Variants in TENM4 observed in about 807,000 individuals in gnomAD.
TENM4 encodes teneurin transmembrane protein 4.
TENM4 carries 82 observed loss-of-function variants against 243.3 expected under a neutral mutation model. The observed-to-expected ratio is 0.34, with a 90% confidence interval of 0.28 to 0.40. TENM4 has a LOEUF of 0.40. Ranked by LOEUF, TENM4 falls within the 10% of genes least tolerant of loss-of-function variation. TENM4 has a pLI of 1.00. For missense variants in TENM4, 3,138 were observed against 3,673.3 expected, an observed-to-expected ratio of 0.85 and a Z score of 3.77; for synonymous variants, 1,412 against 1,456.3, an observed-to-expected ratio of 0.97 and a Z score of 0.69.
intron 6 of TENM4, among the ~76,000 whole-genome samples, chr11:78,995,209 C>CACCGT (rs1397041226): frequency 6.6e-6 from 1 of 152,174 alleles, no homozygotes; most frequent in Non-Finnish European, 1.5e-5. Context: ...CACAGAGACA[C>CACCGT]ACCGTACCGG....
chr11:79,272,139 C>G (rs949091991), intron 2 of TENM4, among the ~76,000 whole-genome samples: 2 of 152,174 alleles, frequency 1.3e-5, no homozygotes, highest in African/African-American at 4.8e-5. Flanking sequence ...CACATCCCAC[C>G]TCCCAGAGGG....
chr11:79,203,069 A>G (rs769935139), intron 3 of TENM4, among the ~76,000 whole-genome samples: 2 of 152,176 alleles, frequency 1.3e-5, no homozygotes, highest in Non-Finnish European at 2.9e-5. Context: ...ATTCTAACCC[A>G]GGTTGCCTGA....
chr11:79,302,230 T>C (rs1190948578), intron 1 of TENM4, among the ~76,000 whole-genome samples: 1 of 152,246 alleles, frequency 6.6e-6, no homozygotes, highest in African/African-American at 2.4e-5. Context: ...AGAAAGCAGC[T>C]CCAGTGACAA....
intron 12 of TENM4, among the ~76,000 whole-genome samples, chr11:78,850,125 G>A (rs1013626382): frequency 7.2e-5 from 11 of 152,006 alleles, no homozygotes; most frequent in African/African-American, 2.7e-4. Flanking sequence ...TCAACATCAG[G>A]TCTCTGTGCG....
At chr11:79,044,052 G>C (rs557774777) in intron 6 of TENM4, among the ~76,000 whole-genome samples, 1 of 152,102 alleles carries the variant, frequency 6.6e-6, no homozygotes, top group Non-Finnish European at 1.5e-5. Context: ...CCAAGGATGG[G>C]GATTCCTGAG....
intron 3 of TENM4, among the ~76,000 whole-genome samples, chr11:79,183,202 C>T (rs1481580892): frequency 6.6e-6 from 1 of 152,078 alleles, no homozygotes; most frequent in South Asian, 2.1e-4. Flanking sequence ...GTGGTACATC[C>T]AGACAATGGA....
At chr11:78,750,328 G>A (rs1003910921) in intron 19 of TENM4, among the ~76,000 whole-genome samples, 4 of 152,000 alleles carry the variant, frequency 2.6e-5, no homozygotes, top group Non-Finnish European at 4.4e-5. Context: ...GAATAGTTTC[G>A]ACCTGCTGAA....
intron 17 of TENM4, among the ~76,000 whole-genome samples, chr11:78,775,364 C>T (rs550048272): frequency 3.9e-5 from 6 of 152,290 alleles, no homozygotes; most frequent in African/African-American, 1.4e-4. Context: ...GTCAATGAAT[C>T]ATTGAGGTGC....
intron 6 of TENM4, among the ~76,000 whole-genome samples, chr11:78,940,756 C>T (rs1369331898): frequency 6.6e-6 from 1 of 152,164 alleles, no homozygotes; most frequent in East Asian, 1.9e-4. Flanking sequence ...CCTGGGGATG[C>T]CATGGTGACA....
intron 3 of TENM4, among the ~76,000 whole-genome samples, chr11:79,165,273 T>C (rs1862887481): frequency 6.6e-6 from 1 of 152,150 alleles, no homozygotes; most frequent in Non-Finnish European, 1.5e-5. Context: ...CATAAAAGTG[T>C]TCCCTTTTCA....
rs1334276591 is a variant in TENM4, at chr11:78,672,341, G to A, written c.5497-12C>T. 6.2e-7 allele frequency: 1 copy of A among 1,602,102 alleles called. No individual in the cohort carries two copies. The highest frequency in any genetic ancestry group is 1.1e-5 in the South Asian group (1 of 90,154). On this transcript the variant is annotated splice_polypyrimidine_tract_variant and intron_variant, in intron 30 of 33. Coordinates refer to ENST00000278550, the MANE Select transcript of TENM4 (RefSeq NM_001098816.3). ...TTTCGGTTGTGAACCTGGAGAAAGGGTTGGAAGGAAAGAGAAAATTAATCT... is the reference window on the plus strand; with the variant it reads ...TTTCGGTTGTGAACCTGGAGAAAGGATTGGAAGGAAAGAGAAAATTAATCT...
At chr11:79,190,767 C>T (rs554850240) in intron 3 of TENM4, among the ~76,000 whole-genome samples, 49 of 147,988 alleles carry the variant, frequency 3.3e-4, no homozygotes, top group Middle Eastern at 3.5e-3. Context: ...AAAATATTTT[C>T]GTCCCTCTCC....
intron 9 of TENM4, among the ~76,000 whole-genome samples, chr11:78,881,987 G>A (rs984741104): frequency 1.3e-5 from 2 of 152,198 alleles, no homozygotes; most frequent in Non-Finnish European, 2.9e-5. Context: ...CGTTAATGCA[G>A]GATCCTGTAT....
intron 6 of TENM4, among the ~76,000 whole-genome samples, chr11:78,919,474 T>C (rs1480007435): frequency 6.6e-6 from 1 of 152,156 alleles, no homozygotes; most frequent in East Asian, 1.9e-4. Flanking sequence ...CAGGCAAATA[T>C]GTGACTTTGG....
chr11:79,106,406 G>T (rs773048769), intron 4 of TENM4, among the ~76,000 whole-genome samples: 1 of 152,234 alleles, frequency 6.6e-6, no homozygotes, highest in Non-Finnish European at 1.5e-5. Flanking sequence ...CCCCCTACCA[G>T]CAGAGTGACC....
chr11:79,253,421 G>A (rs1353218209), intron 2 of TENM4, among the ~76,000 whole-genome samples: 2 of 152,266 alleles, frequency 1.3e-5, no homozygotes, highest in African/African-American at 2.4e-5. Flanking sequence ...GAAAATAATC[G>A]CAGCCTGTCA....
At chr11:79,138,903 TTC>T (rs1424163242) in intron 4 of TENM4, among the ~76,000 whole-genome samples, 1,316 of 113,138 alleles carry the variant, frequency 0.012, 70 homozygotes, top group African/African-American at 0.02. Context: ...TATATTATAT[TTC>T]TATAAATATA....
chr11:79,437,167 C>T (rs1859287682), intron 1 of TENM4, among the ~76,000 whole-genome samples: 1 of 152,238 alleles, frequency 6.6e-6, no homozygotes. Flanking sequence ...CCTCAGCATT[C>T]CCTTATAACA....
chr11:79,013,145 G>C (rs921102460), intron 6 of TENM4, among the ~76,000 whole-genome samples: 9 of 152,000 alleles, frequency 5.9e-5, no homozygotes, highest in Non-Finnish European at 1.2e-4. Flanking sequence ...TCAGACATTC[G>C]GGAAATGGCA....
Sources: allele counts gnomAD v4.1 joint callset (sites outside exome capture counted in the v4.1 genomes callset), GRCh38; gene constraint gnomAD v4.1.1; transcripts MANE v1.5; gene names NCBI Gene and HGNC (gene_info 2026-07-23, HGNC 2026-07-21).